PLXNB2: variants seen among roughly 807,000 people sequenced by gnomAD.
PLXNB2 encodes the protein plexin B2, also known as plexin-B2.
Under a neutral mutation model 202.6 loss-of-function variants are expected in PLXNB2, and 85 were observed. The observed-to-expected ratio is 0.42, with a 90% CI of 0.35 to 0.50. The LOEUF (loss-of-function observed/expected upper bound fraction) is 0.50, where lower values mean the gene tolerates loss of function less well. Among genes scored for constraint, PLXNB2 ranks in the 20% least tolerant of loss-of-function variants. PLXNB2 has a pLI of 0.02. For synonymous variants in PLXNB2, 1,239 were observed against 1,137.6 expected, an observed-to-expected ratio of 1.09 and a Z score of -1.79; for missense variants, 2,063 against 2,586.2, an observed-to-expected ratio of 0.80 and a Z score of 4.39.
rs1017236029 is a variant in PLXNB2, at chr22:50,297,603, C to T, written c.-73-2825G>A. On this transcript the variant is annotated intron_variant, in intron 1 of 36. Coordinates refer to ENST00000359337, the MANE Select transcript of PLXNB2 (RefSeq NM_012401.4). This position sits in a 1 kb window ranked among gnomAD's most constrained non-coding sequence, Gnocchi z 5.3. ...CATCCATCTTGCCCTCAACACTGAG[C>T]CAGGCTCCATCTCCTGCTCACAAGA... Among the ~76,000 whole-genome samples the T allele has an allele frequency of 1.3e-5, 2 of 152,176 alleles. No homozygotes were observed. Among genetic ancestry groups the T allele is most frequent in the African/African-American group, 4.8e-5 (2 of 41,446 alleles).
intron 35 of PLXNB2, among the ~76,000 whole-genome samples, chr22:50,276,402 G>A (rs72490266): frequency 0.072 from 718 of 9,904 alleles, 2 homozygotes; most frequent in Middle Eastern, 0.17. Flanking sequence ...GGGTGCAGCC[G>A]CAGGGAGGGG....
chr22:50,278,551 C>A (rs775505612), intron 29 of PLXNB2, 32 bp from the exon 30 acceptor site: 10 of 1,591,078 alleles, frequency 6.3e-6, no homozygotes, highest in Non-Finnish European at 8.6e-6. Flanking sequence ...GTGGGCTGTG[C>A]CCCCAGGGTG....
chr22:50,279,861 C>G (rs112116434), intron 26 of PLXNB2, 85 bp from the exon 27 acceptor site: 20 of 1,525,686 alleles, frequency 1.3e-5, no homozygotes, highest in Non-Finnish European at 1.5e-5. Flanking sequence ...GAGGCATGGA[C>G]GGGGCTGACC....
Position 50,275,048 on chromosome 22 carries a change from G to C in PLXNB2, c.*656C>G, listed in dbSNP as rs2065446267. On this transcript the variant is annotated 3_prime_UTR_variant, in exon 37 of 37. Transcript: ENST00000359337. ...TACAAAAAGGGGTGGGGTGGTCTTG[G>C]AACTGCTCCCAGTCCCCCCGGACTG... is the stretch of plus-strand genomic sequence containing the variant. 1 of 184,484 alleles carries C rather than the reference G, an allele frequency of 5.4e-6. No individual in the cohort carries two copies. Among genetic ancestry groups the C allele is most frequent in the Admixed American group, 5.9e-5 (1 of 17,034 alleles). 11.4% of individuals were successfully genotyped at this position (184,484 alleles called of 1,614,324 possible).
chr22:50,303,213 C>A (rs1416253638), intron 1 of PLXNB2, among the ~76,000 whole-genome samples: 1 of 152,144 alleles, frequency 6.6e-6, no homozygotes, highest in Non-Finnish European at 1.5e-5. Context: ...AGAGCATGGA[C>A]CCCAGGCAAA....
Position 50,286,982 on chromosome 22 carries a change from C to T in PLXNB2, c.1762+129G>A, listed in dbSNP as rs890095191. ...CACCACAGGCTTCATTCAGGCTGGGCCCCCGGAGCAGCCGCGGAGTGTGCC... is the reference window on the plus strand; with the variant it reads ...CACCACAGGCTTCATTCAGGCTGGGTCCCCGGAGCAGCCGCGGAGTGTGCC... On this transcript the variant is annotated intron_variant, in intron 8 of 36. Coordinates refer to ENST00000359337, the MANE Select transcript of PLXNB2 (RefSeq NM_012401.4). 3 of 942,644 alleles carry T rather than the reference C, an allele frequency of 3.2e-6. No individual in the cohort carries two copies. The Admixed American group carries it at 1.0e-4, about 33-fold the overall frequency. The allele number at this position is 942,644 out of a possible 1,614,324, so 58.4% of individuals were successfully genotyped here. A position where few individuals can be genotyped will look rare whatever the true frequency, so the allele number is the denominator to read the frequency against.
chr22:50,276,098 GC>G, intron 35 of PLXNB2, 135 bp from the exon 36 acceptor site: 2 of 758,228 alleles, frequency 2.6e-6, no homozygotes, highest in Non-Finnish European at 2.3e-6. Context: ...GGCACTTGGG[GC>G]CCCCCATGTG....
At chr22:50,299,466 C>T (rs2067524039) in intron 1 of PLXNB2, among the ~76,000 whole-genome samples, 2 of 152,228 alleles carry the variant, frequency 1.3e-5, no homozygotes, top group Admixed American at 6.5e-5. Context: ...AGCCAGCAGC[C>T]AGGGGGCCGG....
intron 2 of PLXNB2, among the ~76,000 whole-genome samples, chr22:50,293,989 C>A (rs2053700902): frequency 6.6e-6 from 1 of 152,232 alleles, no homozygotes; most frequent in African/African-American, 2.4e-5. Flanking sequence ...GTGGCAGCTG[C>A]CTTCTGGTTC....
In PLXNB2 at chr22:50,283,738, T is replaced by A. The variant is rs28470336; in HGVS notation, c.2434A>T (p.Thr812Ser). The change falls in exon 15 of 37, where the codon ACG becomes TCG. Residue 812 changes from threonine (T) to serine (S), a missense_variant. Coordinates refer to ENST00000359337, the MANE Select transcript of PLXNB2 (RefSeq NM_012401.4). ...PPVITRIQPE[T>S]GPLGGGIRIT... is the part of the protein sequence containing the mutation. ...CGGATGCCCCCACCCAGGGGGCCCG[T>A]CTCAGGCTGGATCTGAAACCACAGA... 1.9e-6 allele frequency: 3 copies of A among 1,612,698 alleles called. No individual in the cohort carries two copies. Among genetic ancestry groups the A allele is most frequent in the Non-Finnish European group, 2.5e-6 (3 of 1,179,788 alleles).
In PLXNB2 at chr22:50,287,069, C is replaced by A. The variant is rs187717634; in HGVS notation, c.1762+42G>T. 1,666 of 1,462,596 alleles carry A rather than the reference C, an allele frequency of 1.1e-3. 16 individuals are homozygous for A. In the East Asian group the frequency reaches 0.017, roughly 15 times the overall value. The allele number at this position is 1,462,596 out of a possible 1,614,324, so 90.6% of individuals were successfully genotyped here. ...GAGCCCGTGTGCACAGGGCCCCGTGCGACCGAGAAGGGCCACCCGGGGGCT... is the reference window on the plus strand; with the variant it reads ...GAGCCCGTGTGCACAGGGCCCCGTGAGACCGAGAAGGGCCACCCGGGGGCT... On this transcript the variant is annotated intron_variant, in intron 8 of 36. Coordinates refer to ENST00000359337, the MANE Select transcript of PLXNB2 (RefSeq NM_012401.4).
At chr22:50,295,150 C>T (rs1490360367) in intron 1 of PLXNB2, among the ~76,000 whole-genome samples, 6 of 152,156 alleles carry the variant, frequency 3.9e-5, no homozygotes, top group East Asian at 3.9e-4. Flanking sequence ...GAAACCCCGT[C>T]TCTACTAAAA....
intron 1 of PLXNB2, among the ~76,000 whole-genome samples, chr22:50,302,442 T>TG (rs1222011135): frequency 5.9e-5 from 9 of 152,172 alleles, no homozygotes; most frequent in African/African-American, 2.2e-4. Flanking sequence ...AGGCTTGCTC[T>TG]GCTCATGGTG....
chr22:50,284,759 G>C lies in PLXNB2; in HGVS notation c.2089-94C>G. ...GCAGCCCCTCCTCTGTGCCTACAGT[G>C]TGGGAGCCCTCTCCTCACCCCACAC... is the stretch of plus-strand genomic sequence containing the variant. On this transcript the variant is annotated intron_variant, in intron 11 of 36. Transcript: ENST00000359337. The surrounding 1 kb of genome is among the most constrained non-coding windows in gnomAD (Gnocchi z 8.0). 1.1e-6 allele frequency: 1 copy of C among 942,514 alleles called. No homozygotes were observed. The highest frequency in any genetic ancestry group is 1.7e-6 in the Non-Finnish European group (1 of 571,556). 58.4% of individuals were successfully genotyped at this position (942,514 alleles called of 1,614,324 possible).
rs375985220 is a variant in PLXNB2, at chr22:50,278,662, C to T, written c.4581G>A (p.Ser1527=). 35 of 1,612,504 alleles carry T rather than the reference C, an allele frequency of 2.2e-5. No homozygotes were observed. Among genetic ancestry groups the T allele is most frequent in the Middle Eastern group, 3.3e-4 (2 of 6,080 alleles). ...CCCGCTGTGACGTCAGGTCCAGGTC[C>T]GACAGGATCTGCGCTGTGGAGCCCG... ...WRPGSTAQIL[S]DLDLTSQREG... is the part of the protein sequence containing the mutation. The change falls in exon 29 of 37, where the codon TCG becomes TCA. Residue 1527 remains serine, a synonymous_variant. Coordinates refer to ENST00000359337, the MANE Select transcript of PLXNB2 (RefSeq NM_012401.4).
In PLXNB2 at chr22:50,289,381, AC is replaced by A; in HGVS notation, c.1068+135del. The A allele has an allele frequency of 8.5e-7, 1 of 1,178,580 alleles. No homozygotes were observed. Among genetic ancestry groups the A allele is most frequent in the Non-Finnish European group, 1.2e-6 (1 of 862,448 alleles). The allele number at this position is 1,178,580 out of a possible 1,614,324, so 73.0% of individuals were successfully genotyped here. On this transcript the variant is annotated intron_variant, in intron 3 of 36. Transcript: ENST00000359337. The surrounding 1 kb of genome is among the most constrained non-coding windows in gnomAD (Gnocchi z 8.0). ...AATGGCATTGAGAGATGCGGCACCC[AC>A]CCACGCAAGCGCCCAGGCTGGCGAG...
At position 50,300,315 on chromosome 22, in the gene PLXNB2, C is replaced by A. The variant is rs115574928; in HGVS notation, c.-73-5537G>T. 1.4e-3 allele frequency: 1,419 copies of A among 985,382 alleles called. 15 individuals are homozygous for A. In the African/African-American group the frequency reaches 0.023, roughly 16 times the overall value. The allele number at this position is 985,382 out of a possible 1,614,324, so 61.0% of individuals were successfully genotyped here. On this transcript the variant is annotated intron_variant, in intron 1 of 36. Transcript: ENST00000359337. ...CATCGGATCGCACAGCCGGCCATTA[C>A]CTAAGTCCTCCGAGCCGTGGAAGGG...
chr22:50,282,477 G>T, intron 18 of PLXNB2, 164 bp from the exon 19 acceptor site: 1 of 774,456 alleles, frequency 1.3e-6, no homozygotes, highest in Non-Finnish European at 2.0e-6. Context: ...CTGAGCACGA[G>T]ACTGTGCCGC....
chr22:50,299,446 G>C (rs902780902), intron 1 of PLXNB2, among the ~76,000 whole-genome samples: 1 of 152,222 alleles, frequency 6.6e-6, no homozygotes, highest in Non-Finnish European at 1.5e-5. Flanking sequence ...GGAGGCCCCG[G>C]AGGCCCCGCA....
Sources: gnomAD v4.1 joint callset for allele counts (sites outside exome capture counted in the v4.1 genomes callset) on GRCh38, gnomAD v4.1.1 for gene constraint, Gnocchi (gnomAD v3.1) non-coding constraint, MANE v1.5 for transcripts, NCBI Gene and HGNC (gene_info 2026-07-23, HGNC 2026-07-21) for gene names.